ARMC2: variants seen among roughly 807,000 people sequenced by gnomAD.
The protein encoded by ARMC2 is armadillo repeat-containing protein 2.
Under a neutral mutation model 90.3 loss-of-function variants are expected in ARMC2, and 67 were observed. That is an observed-to-expected ratio of 0.74 (90% CI 0.61 to 0.91). The LOEUF (loss-of-function observed/expected upper bound fraction) is 0.91, where lower values mean the gene tolerates loss of function less well. Among genes scored for constraint, ARMC2 ranks in the 40% least tolerant of loss-of-function variants. The pLI, the probability that ARMC2 is intolerant of heterozygous loss-of-function variation, is 0.00. For missense variants in ARMC2, 920 were observed against 1,030.9 expected (o/e 0.89, Z 1.47); for synonymous variants, 393 against 393.0 (o/e 1.00, Z 0.00).
the ARMC2 span, among the ~76,000 whole-genome samples, chr6:109,038,765 T>C: frequency 6.6e-6 from 1 of 152,142 alleles, no homozygotes; most frequent in East Asian, 1.9e-4. Context: ...GTTAAGTGTA[T>C]GAATGAGGTA....
At chr6:108,854,562 T>G in intron 2 of ARMC2, 77 bp downstream of exon 2, 1 of 1,395,062 alleles carries the variant, frequency 7.2e-7, no homozygotes, top group Non-Finnish European at 9.9e-7. Context: ...CTACTTAAGG[T>G]TAGCTTTTAA....
chr6:109,039,007 G>GAAAGAGAAAGAAAGAA, the ARMC2 span, among the ~76,000 whole-genome samples: 1 of 147,224 alleles, frequency 6.8e-6, no homozygotes, highest in Non-Finnish European at 1.5e-5. Context: ...GAGAAAAGAA[G>GAAAGAGAAAGAAAGAA]AAAGAGAAAG....
At chr6:108,866,470 A>G (rs1190633643) in intron 3 of ARMC2, among the ~76,000 whole-genome samples, 2 of 152,234 alleles carry the variant, frequency 1.3e-5, no homozygotes, top group East Asian at 1.9e-4. Context: ...GTCAGAGGCT[A>G]GGGCCTTGAC....
In ARMC2 at chr6:108,854,208, G is replaced by A; in HGVS notation, c.-43-17G>A. On this transcript the variant is annotated splice_polypyrimidine_tract_variant and intron_variant, in intron 1 of 17. Transcript: ENST00000392644. The stretch of plus-strand genomic sequence containing the variant: ...CTGGACAAAAATAATGATGGTTTTT[G>A]TACCATGTATTTGCAGGGTGTGGTG... 1.1e-5 allele frequency: 14 copies of A among 1,314,794 alleles called. No individual in the cohort carries two copies. Among genetic ancestry groups the A allele is most frequent in the Non-Finnish European group, 1.5e-5 (14 of 941,304 alleles). The allele number at this position is 1,314,794 out of a possible 1,614,324, so 81.4% of individuals were successfully genotyped here. A position where few individuals can be genotyped will look rare whatever the true frequency, so the allele number is the denominator to read the frequency against.
chr6:108,912,553 G>A lies in ARMC2; in HGVS notation c.1345G>A (p.Val449Ile). 6.2e-7 allele frequency: 1 copy of A among 1,608,790 alleles called. No individual in the cohort carries two copies. The highest frequency in any genetic ancestry group is 1.1e-5 in the South Asian group (1 of 90,652). ...TTTGCCTAATTCGGGCCACTTGCTA[G>A]TCCAGGTAAGTATTTTACTTGAAAA... ...TFLPNSGHLL[V>I]QVTATLRNLV... Residue 449 changes from valine (V) to isoleucine (I), a missense_variant, in exon 10 of 18, where the codon GTC becomes ATC. Val to Ile is a conservative substitution (Grantham distance 29). Coordinates refer to ENST00000392644, the MANE Select transcript of ARMC2 (RefSeq NM_032131.6).
At chr6:109,011,825 CATT>C in the ARMC2 span, among the ~76,000 whole-genome samples, 1 of 151,850 alleles carries the variant, frequency 6.6e-6, no homozygotes, top group Non-Finnish European at 1.5e-5. Flanking sequence ...GATAGGGTCT[CATT>C]ATGTTGTCTA....
the ARMC2 span, among the ~76,000 whole-genome samples, chr6:108,989,013 CTA>C: frequency 2.6e-5 from 4 of 152,064 alleles, no homozygotes; most frequent in Non-Finnish European, 5.9e-5. Flanking sequence ...GAGGAACAAA[CTA>C]TTATTGAGAC....
At chr6:109,027,040 C>T in the ARMC2 span, among the ~76,000 whole-genome samples, 3 of 152,194 alleles carry the variant, frequency 2.0e-5, no homozygotes, top group Non-Finnish European at 4.4e-5. Context: ...CATGGCACCA[C>T]ATACCTATAA....
intron 12 of ARMC2, among the ~76,000 whole-genome samples, chr6:108,940,663 C>A (rs1776366202): frequency 6.6e-6 from 1 of 152,124 alleles, no homozygotes; most frequent in South Asian, 2.1e-4. Context: ...GCACAGCTGG[C>A]AGCATTCACC....
intron 6 of ARMC2, among the ~76,000 whole-genome samples, chr6:108,898,853 C>T (rs1771863413): frequency 6.6e-6 from 1 of 152,120 alleles, no homozygotes; most frequent in Non-Finnish European, 1.5e-5. Flanking sequence ...TCAATGGTTG[C>T]TATTCCCTAC....
the ARMC2 span, among the ~76,000 whole-genome samples, chr6:109,048,098 A>T: frequency 2.3e-5 from 3 of 132,518 alleles, no homozygotes; most frequent in Admixed American, 7.2e-5. Context: ...CAATAAAAAA[A>T]TAAATTAAAA....
intron 8 of ARMC2, among the ~76,000 whole-genome samples, chr6:108,906,380 T>A (rs952723926): frequency 6.6e-6 from 1 of 152,160 alleles, no homozygotes; most frequent in African/African-American, 2.4e-5. Context: ...TTCTTACTTT[T>A]CTTTAATTTG....
rs60000198 is a variant in ARMC2, at chr6:108,932,516, C to CTTTTTTT, written c.1496+4304_1496+4310dup. 2.2e-3 allele frequency among the ~76,000 whole-genome samples: 174 copies of CTTTTTTT among 77,904 alleles called. 16 individuals carry two copies. Among genetic ancestry groups the CTTTTTTT allele is most frequent in the East Asian group, 0.016 (31 of 1,970 alleles). 51.1% of individuals were successfully genotyped at this position (77,904 alleles called of 152,430 possible). On this transcript the variant is annotated intron_variant, in intron 11 of 17. Coordinates refer to ENST00000392644, the MANE Select transcript of ARMC2 (RefSeq NM_032131.6). ...TAAACAGTGAGTCTTTTCTCCATTG[C>CTTTTTTT]TTTTTTTTTTTTTTTTTTTTTTTTT... is the stretch of plus-strand genomic sequence containing the variant.
At chr6:109,003,884 A>G in the ARMC2 span, among the ~76,000 whole-genome samples, 1 of 152,226 alleles carries the variant, frequency 6.6e-6, no homozygotes. Flanking sequence ...CTAAGGCTAA[A>G]ATTAACATTT....
At chr6:108,935,230 A>G (rs1775863756) in intron 11 of ARMC2, among the ~76,000 whole-genome samples, 1 of 152,140 alleles carries the variant, frequency 6.6e-6, no homozygotes, top group Non-Finnish European at 1.5e-5. Context: ...TACCAAGAAC[A>G]AATATATTAT....
the ARMC2 span, among the ~76,000 whole-genome samples, chr6:109,030,628 T>A: frequency 6.6e-6 from 1 of 151,972 alleles, no homozygotes; most frequent in Non-Finnish European, 1.5e-5. Context: ...AGGAAAAAAA[T>A]AAGTCTGGAA....
At chr6:108,908,215 C>T (rs1422807144) in intron 8 of ARMC2, among the ~76,000 whole-genome samples, 2 of 152,166 alleles carry the variant, frequency 1.3e-5, no homozygotes, top group Non-Finnish European at 1.5e-5. Flanking sequence ...ATCTGAGGCA[C>T]GCACTCCTCA....
chr6:109,051,234 T>C, the ARMC2 span, among the ~76,000 whole-genome samples: 3 of 152,134 alleles, frequency 2.0e-5, no homozygotes, highest in Admixed American at 6.5e-5. Flanking sequence ...AGCTTTAAAA[T>C]TGGTTTTATA....
chr6:108,987,851 C>T, the ARMC2 span, among the ~76,000 whole-genome samples: 14 of 148,658 alleles, frequency 9.4e-5, no homozygotes, highest in African/African-American at 2.7e-4. Flanking sequence ...TTCCCAGGCT[C>T]GGGTGCAGTG....
Sources: allele counts gnomAD v4.1 joint callset (sites outside exome capture counted in the v4.1 genomes callset), GRCh38; gene constraint gnomAD v4.1.1; transcripts MANE v1.5; gene names NCBI Gene and HGNC (gene_info 2026-07-23, HGNC 2026-07-21).